SMYD3: variants seen among roughly 807,000 people sequenced by gnomAD.
The protein encoded by SMYD3 is histone-lysine N-methyltransferase SMYD3.
A neutral mutation model predicts 57.7 loss-of-function variants in SMYD3; 36 were observed. That is an observed-to-expected ratio of 0.62 (90% CI 0.48 to 0.82). The LOEUF (loss-of-function observed/expected upper bound fraction) is 0.82, where lower values mean the gene tolerates loss of function less well. Among genes scored for constraint, SMYD3 ranks in the 40% least tolerant of loss-of-function variants. SMYD3 has a pLI of 0.00. For missense variants in SMYD3, 515 were observed against 538.8 expected (o/e 0.96, Z 0.44); for synonymous variants, 211 against 195.0 (o/e 1.08, Z -0.68).
At chr1:246,214,883 A>G (rs1233142544) in intron 5 of SMYD3, among the ~76,000 whole-genome samples, 1 of 152,230 alleles carries the variant, frequency 6.6e-6, no homozygotes, top group Admixed American at 6.5e-5. Flanking sequence ...TGTTTATGTT[A>G]GCAGTACTAT....
intron 10 of SMYD3, among the ~76,000 whole-genome samples, chr1:245,800,437 TA>T (rs2047803361): frequency 1.3e-5 from 2 of 152,118 alleles, no homozygotes; most frequent in African/African-American, 4.8e-5. Context: ...GTTTTTTTTT[TA>T]AATAATGCTA....
rs945582874 is a variant in SMYD3, at chr1:246,004,037, C to G, written c.532-74100G>C. 5.3e-5 allele frequency among the ~76,000 whole-genome samples: 3 copies of G among 56,702 alleles called. No individual in the cohort carries two copies. The Admixed American group carries it at 7.2e-4, about 14-fold the overall frequency. The allele number at this position is 56,702 out of a possible 152,430, so 37.2% of individuals were successfully genotyped here. A position where few individuals can be genotyped will look rare whatever the true frequency, so the allele number is the denominator to read the frequency against. ...CAGACCTCGATTGGAATTCGGGCACCGCCACTTACTAAGGGGCCTTCTCAA... is the reference window on the plus strand; with the variant it reads ...CAGACCTCGATTGGAATTCGGGCACGGCCACTTACTAAGGGGCCTTCTCAA... On this transcript the variant is annotated intron_variant, in intron 5 of 11. Transcript: ENST00000490107.
chr1:246,481,062 A>C (rs759350964), intron 1 of SMYD3, among the ~76,000 whole-genome samples: 2 of 152,218 alleles, frequency 1.3e-5, no homozygotes, highest in Non-Finnish European at 2.9e-5. Flanking sequence ...GGCTTCCCAA[A>C]GTGCTGGGAT....
intron 5 of SMYD3, among the ~76,000 whole-genome samples, chr1:246,085,624 C>T (rs1442488876): frequency 6.6e-6 from 1 of 152,138 alleles, no homozygotes; most frequent in East Asian, 1.9e-4. Context: ...GCTCATCCCC[C>T]GCTTTGTCCT....
chr1:246,234,390 CCA>C (rs767831050), intron 5 of SMYD3, among the ~76,000 whole-genome samples: 2 of 152,186 alleles, frequency 1.3e-5, no homozygotes, highest in Non-Finnish European at 2.9e-5. Context: ...TGAACATATA[CCA>C]CACAGAGGAG....
chr1:246,487,581 T>C (rs1192596298), intron 1 of SMYD3, among the ~76,000 whole-genome samples: 1 of 151,868 alleles, frequency 6.6e-6, no homozygotes, highest in Non-Finnish European at 1.5e-5. Flanking sequence ...TGTTCATCTA[T>C]AGAAAGAAAA....
intron 1 of SMYD3, among the ~76,000 whole-genome samples, chr1:246,361,447 T>G (rs919524259): frequency 5.9e-5 from 9 of 152,204 alleles, no homozygotes; most frequent in African/African-American, 2.2e-4. Context: ...CTACTGGGTA[T>G]TCTACCAAAA....
intron 1 of SMYD3, among the ~76,000 whole-genome samples, chr1:246,417,562 C>G (rs991584956): frequency 1.3e-5 from 2 of 152,008 alleles, no homozygotes; most frequent in Non-Finnish European, 2.9e-5. Context: ...GGTCACAGGA[C>G]GAGTTGAGTC....
At position 246,202,174 on chromosome 1, in the gene SMYD3, T is replaced by C. The variant is rs2062932658; in HGVS notation, c.531+125027A>G. ...TTTTACTTAACGATATTTTCTATAA[T>C]GTACTTTTATGATTTGAAATATTTT... On this transcript the variant is annotated intron_variant, in intron 5 of 11. Coordinates refer to ENST00000490107, the MANE Select transcript of SMYD3 (RefSeq NM_001167740.2). This position sits in a 1 kb window ranked among gnomAD's most constrained non-coding sequence, Gnocchi z 4.1. 6.6e-6 allele frequency among the ~76,000 whole-genome samples: 1 copy of C among 152,228 alleles called. No individual in the cohort carries two copies. The highest frequency in any genetic ancestry group is 1.5e-5 in the Non-Finnish European group (1 of 68,038).
intron 5 of SMYD3, among the ~76,000 whole-genome samples, chr1:246,030,100 TGAATCAACCTAAATATCCATCAGTG>T (rs554234467): frequency 6.6e-6 from 1 of 151,680 alleles, no homozygotes; most frequent in Admixed American, 6.6e-5. Flanking sequence ...GCTAAGATAC[TGAATCAACCTAAATATCCATCAGTG>T]GATATTTAAC....
At chr1:246,256,822 C>A (rs1358281646) in intron 5 of SMYD3, among the ~76,000 whole-genome samples, 1 of 152,156 alleles carries the variant, frequency 6.6e-6, no homozygotes. Flanking sequence ...AAAATTTCCT[C>A]TTAACACTAC....
chr1:246,239,297 T>C (rs537036349), intron 5 of SMYD3, among the ~76,000 whole-genome samples: 1 of 152,262 alleles, frequency 6.6e-6, no homozygotes, highest in East Asian at 1.9e-4. Flanking sequence ...CCACCCTGTG[T>C]CCAAGTGTTC....
At chr1:246,167,793 G>A (rs1170657279) in intron 5 of SMYD3, among the ~76,000 whole-genome samples, 1 of 152,184 alleles carries the variant, frequency 6.6e-6, no homozygotes, top group African/African-American at 2.4e-5. Flanking sequence ...TTACAGGCGT[G>A]AGCCACCACG....
chr1:245,887,333 G>A (rs901329839), intron 8 of SMYD3, among the ~76,000 whole-genome samples: 1 of 152,120 alleles, frequency 6.6e-6, no homozygotes, highest in Non-Finnish European at 1.5e-5. Flanking sequence ...AAAAAGGGGA[G>A]GCATGAATAA....
At chr1:246,414,561 C>T (rs903673130) in intron 1 of SMYD3, among the ~76,000 whole-genome samples, 4 of 152,022 alleles carry the variant, frequency 2.6e-5, no homozygotes, top group East Asian at 1.9e-4. Flanking sequence ...AAGGCTTTTA[C>T]GTATATATTT....
At chr1:245,989,444 G>GT (rs1168772640) in intron 5 of SMYD3, among the ~76,000 whole-genome samples, 1 of 152,182 alleles carries the variant, frequency 6.6e-6, no homozygotes, top group Admixed American at 6.5e-5. Flanking sequence ...GGCATTACTT[G>GT]TTAACAGGCC....
rs1207332374 is a variant in SMYD3 at position 246,230,951 on chromosome 1, T to A, written c.531+96250A>T. Among the ~76,000 whole-genome samples the A allele has an allele frequency of 2.0e-5, 3 of 152,240 alleles. No individual in the cohort carries two copies. The East Asian group carries it at 5.8e-4, about 29-fold the overall frequency. On this transcript the variant is annotated intron_variant, in intron 5 of 11. Coordinates refer to ENST00000490107, the MANE Select transcript of SMYD3 (RefSeq NM_001167740.2). ...CAAATCAATTTCTCTCACAGTAGTA[T>A]CTCTCTCAGTTACTCAGTTTCCTAA...
chr1:246,345,016 G>A (rs1281257320), intron 2 of SMYD3, among the ~76,000 whole-genome samples: 1 of 152,138 alleles, frequency 6.6e-6, no homozygotes, highest in African/African-American at 2.4e-5. Context: ...GGAAAGAGAG[G>A]TCTCAAATAT....
At chr1:246,123,188 T>A (rs181704367) in intron 5 of SMYD3, among the ~76,000 whole-genome samples, 1 of 152,282 alleles carries the variant, frequency 6.6e-6, no homozygotes, top group Admixed American at 6.5e-5. Flanking sequence ...CTGAATATGT[T>A]CAAAGCAATC....
Sources: allele counts gnomAD v4.1 joint callset (sites outside exome capture counted in the v4.1 genomes callset), GRCh38; gene constraint gnomAD v4.1.1; non-coding constraint Gnocchi (gnomAD v3.1); transcripts MANE v1.5; gene names NCBI Gene and HGNC (gene_info 2026-07-23, HGNC 2026-07-21).